The following SMTN variants were observed in gnomAD, a reference collection of about 807,000 sequenced individuals.
The protein encoded by SMTN is smoothelin.
A neutral mutation model predicts 102.0 loss-of-function variants in SMTN; 58 were observed. The ratio of observed to expected loss-of-function variants is 0.57; its 90% CI spans 0.46 to 0.71. SMTN has a LOEUF of 0.71. SMTN is among the 30% of genes least tolerant of loss of function. The pLI is 0.00. For missense variants in SMTN, 1,185 were observed against 1,241.7 expected, an observed-to-expected ratio of 0.95 and a Z score of 0.69; for synonymous variants, 478 against 497.9, an observed-to-expected ratio of 0.96 and a Z score of 0.53.
rs761284005 is a variant in SMTN at position 31,091,490 on chromosome 22, C to T, written c.1459+8C>T. 6.6e-7 allele frequency: 1 copy of T among 1,517,302 alleles called. No homozygotes were observed. The allele number at this position is 1,517,302 out of a possible 1,614,324, so 94.0% of individuals were successfully genotyped here. A position where few individuals can be genotyped will look rare whatever the true frequency, so the allele number is the denominator to read the frequency against. On this transcript the variant is annotated splice_region_variant and intron_variant, in intron 10 of 20. Transcript: ENST00000333137. The stretch of plus-strand genomic sequence containing the variant: ...CAGGCAACCAGAGGGCAGGTAGGCG[C>T]CCCCCACTGCCTCCCCAATGGGGAT...
intron 10 of SMTN, 56 bp downstream of exon 10, chr22:31,091,538 G>C: frequency 6.6e-7 from 1 of 1,513,224 alleles, no homozygotes; most frequent in Non-Finnish European, 8.8e-7. Context: ...CCGCACTTCT[G>C]CATGCAGGAC....
At chr22:31,085,840 G>A (rs1602603810) in intron 2 of SMTN, among the ~76,000 whole-genome samples, 1 of 152,354 alleles carries the variant, frequency 6.6e-6, no homozygotes, top group East Asian at 1.9e-4. Flanking sequence ...GGGGATCAGA[G>A]GGAGGCTCCC....
chr22:31,103,858 G>T, intron 20 of SMTN: 1 of 160,478 alleles, frequency 6.2e-6, no homozygotes, highest in South Asian at 1.8e-4. Context: ...ATCATCGGTG[G>T]ACCACAGGGC....
intron 1 of SMTN, among the ~76,000 whole-genome samples, chr22:31,068,977 C>T (rs1457083202): frequency 1.3e-5 from 2 of 152,118 alleles, no homozygotes; most frequent in Non-Finnish European, 2.9e-5. Context: ...AAAGCAAAGG[C>T]AGAGGCCAGG....
intron 11 of SMTN, chr22:31,092,585 T>C (rs955735294): frequency 4.3e-6 from 2 of 468,230 alleles, no homozygotes; most frequent in African/African-American, 4.0e-5. Context: ...TGAGGTGAGA[T>C]GGCTAGACCA....
chr22:31,095,345 G>A lies in SMTN; in HGVS notation c.1675G>A (p.Ala559Thr), dbSNP rs751473340. 2.5e-6 allele frequency: 4 copies of A among 1,614,210 alleles called. No individual in the cohort carries two copies. The South Asian group carries it at 4.4e-5, about 18-fold the overall frequency. The stretch of plus-strand genomic sequence containing the variant: ...AGAGCCTCTCGCTGCAGCAGTGGAA[G>A]CGGCCAATGGGGCTGAGCAGACCCG... ...PAEPLAAAVE[A>T]ANGAEQTRVN... Residue 559 changes from alanine to threonine, a missense_variant, in exon 12 of 21, where the codon GCG becomes ACG. This residue lies in a region of SMTN where 1,096 missense variants were observed against 1,112.7 expected (regional missense o/e 0.98). Coordinates refer to ENST00000333137, the MANE Select transcript of SMTN (RefSeq NM_134269.3). This position sits in a 1 kb window ranked among gnomAD's most constrained non-coding sequence, Gnocchi z 4.1.
intron 2 of SMTN, among the ~76,000 whole-genome samples, chr22:31,087,624 A>G (rs1438559865): frequency 6.6e-6 from 1 of 152,082 alleles, no homozygotes; most frequent in Non-Finnish European, 1.5e-5. Context: ...TCCTCCTACA[A>G]TAGCTCCCTG....
chr22:31,086,643 C>T (rs78644792), intron 2 of SMTN, among the ~76,000 whole-genome samples: 4,697 of 152,286 alleles, frequency 0.031, 109 homozygotes, highest in Middle Eastern at 0.088. Flanking sequence ...ATGAAAAAAC[C>T]AAGACACAGA....
rs191755507 is a variant in SMTN at position 31,103,928 on chromosome 22, C to T, written c.*21-388C>T. 2.3e-5 allele frequency: 5 copies of T among 217,616 alleles called. No homozygotes were observed. The Admixed American group carries it at 2.5e-4, about 11-fold the overall frequency. 13.5% of individuals were successfully genotyped at this position (217,616 alleles called of 1,614,324 possible). A position where few individuals can be genotyped will look rare whatever the true frequency, so the allele number is the denominator to read the frequency against. ...GCCAGTGATGAAGCCCATCTGGGTG[C>T]AAAGGCCGAGCTGAGAGGCTTCTAC... On this transcript the variant is annotated intron_variant, in intron 20 of 20. Coordinates refer to ENST00000333137, the MANE Select transcript of SMTN (RefSeq NM_134269.3).
upstream of SMTN, among the ~76,000 whole-genome samples, chr22:31,078,103 G>C (rs62236124): frequency 0.054 from 8,218 of 152,260 alleles, 249 homozygotes; most frequent in African/African-American, 0.08. Flanking sequence ...GTCCTGGGGA[G>C]AGAGGCTTAG....
intron 2 of SMTN, chr22:31,085,203 G>A: frequency 6.5e-7 from 1 of 1,535,352 alleles, no homozygotes; most frequent in Non-Finnish European, 8.7e-7. Context: ...GGGGACCTTG[G>A]TTTCTTCCCT....
chr22:31,069,893 C>T (rs2041956591), intron 1 of SMTN, among the ~76,000 whole-genome samples: 1 of 152,272 alleles, frequency 6.6e-6, no homozygotes. Flanking sequence ...CAGCACACAG[C>T]CTTTGTTGAC....
chr22:31,097,707 AATAAATAG>A (rs2043708909), intron 16 of SMTN, among the ~76,000 whole-genome samples: 2 of 139,002 alleles, frequency 1.4e-5, no homozygotes, highest in South Asian at 2.2e-4. Flanking sequence ...CAGTCTCAAA[AATAAATAG>A]ATAAATAAAT....
rs771231038 is a variant in SMTN at position 31,085,246 on chromosome 22, G to A, written c.51+1937G>A. 1.3e-4 allele frequency: 203 copies of A among 1,531,042 alleles called. No homozygotes were observed. In the Middle Eastern group the frequency reaches 1.3e-3, roughly 10 times the overall value. 94.8% of individuals were successfully genotyped at this position (1,531,042 alleles called of 1,614,324 possible). On this transcript the variant is annotated intron_variant, in intron 2 of 20. Coordinates refer to ENST00000333137, the MANE Select transcript of SMTN (RefSeq NM_134269.3). ...CGGACACTGAAGCAGGCGGTAGCGG[G>A]TGTCTTCCTACCTGGCTACCCCTTC...
Position 31,095,894 on chromosome 22 carries a change from G to T in SMTN, c.1861+285G>T. ...CGCAGCTACTCTCTCCTTGGATCCA[G>T]TTGCCTCTCAAAGTACTGTCAACGA... On this transcript the variant is annotated intron_variant, in intron 13 of 20. Transcript: ENST00000333137. This position sits in a 1 kb window ranked among gnomAD's most constrained non-coding sequence, Gnocchi z 4.1. The T allele has an allele frequency of 2.0e-6, 1 of 502,206 alleles. No individual in the cohort carries two copies. Among genetic ancestry groups the T allele is most frequent in the Non-Finnish European group, 3.6e-6 (1 of 281,572 alleles). The allele number at this position is 502,206 out of a possible 1,614,324, so 31.1% of individuals were successfully genotyped here.
intron 4 of SMTN, 30 bp downstream of exon 4, chr22:31,088,636 G>A: frequency 6.2e-7 from 1 of 1,612,206 alleles, no homozygotes; most frequent in Non-Finnish European, 8.5e-7. Flanking sequence ...AGGGGATGGG[G>A]GCAGGGCAGG....
Position 31,083,231 on chromosome 22 carries a change from G to T in SMTN, c.-28G>T. Reference sequence around the variant, plus strand: ...CAGGCACTGGGGATCTCACCAGAAAGGAACCGACGGAGCTAGGGGCCAGCG... The same window carrying T: ...CAGGCACTGGGGATCTCACCAGAAATGAACCGACGGAGCTAGGGGCCAGCG... On this transcript the variant is annotated 5_prime_UTR_variant, in exon 2 of 21. The change creates a new upstream start codon in the 5' untranslated region. Coordinates refer to ENST00000333137, the MANE Select transcript of SMTN (RefSeq NM_134269.3). The T allele has an allele frequency of 6.3e-7, 1 of 1,596,822 alleles. No individual in the cohort carries two copies.
At chr22:31,094,886 A>G (rs536308886) in intron 11 of SMTN, among the ~76,000 whole-genome samples, 5 of 152,014 alleles carry the variant, frequency 3.3e-5, no homozygotes, top group Non-Finnish European at 5.9e-5. Context: ...CGGTCTCGCT[A>G]TGTTACCCAG....
At chr22:31,096,948 C>G (rs201090362) in intron 14 of SMTN, 50 bp from the exon 15 acceptor site, 1 of 1,612,658 alleles carries the variant, frequency 6.2e-7, no homozygotes, top group Non-Finnish European at 8.5e-7. Flanking sequence ...AACACATCCT[C>G]CCCCAGCCCC....
Sources: gnomAD v4.1 joint callset for allele counts (sites outside exome capture counted in the v4.1 genomes callset) on GRCh38, gnomAD v4.1.1 for gene constraint, gnomAD v4.1.1 regional missense constraint, Gnocchi (gnomAD v3.1) non-coding constraint, MANE v1.5 for transcripts, NCBI Gene and HGNC (gene_info 2026-07-23, HGNC 2026-07-21) for gene names.